HMCN1: variants seen among roughly 807,000 people sequenced by gnomAD.
HMCN1 encodes the protein hemicentin-1.
Under a neutral mutation model 625.9 loss-of-function variants are expected in HMCN1, and 321 were observed. The observed-to-expected ratio is 0.51, with a 90% CI of 0.47 to 0.56. The LOEUF (loss-of-function observed/expected upper bound fraction) is 0.56, where lower values mean the gene tolerates loss of function less well. HMCN1 is among the 20% of genes least tolerant of loss of function. HMCN1 has a pLI of 0.00. For synonymous variants in HMCN1, 2,425 were observed against 2,417.6 expected (o/e 1.00, Z -0.09); for missense variants, 6,588 against 6,887.3 (o/e 0.96, Z 1.54).
At chr1:185,812,419 A>G (rs114877638) in intron 1 of HMCN1, among the ~76,000 whole-genome samples, 1 of 152,140 alleles carries the variant, frequency 6.6e-6, no homozygotes, top group African/African-American at 2.4e-5. Context: ...TAACAAAAAA[A>G]GTGTCATATG....
intron 105 of HMCN1, 117 bp downstream of exon 105, chr1:186,182,404 G>A (rs914612476): frequency 8.8e-5 from 105 of 1,190,164 alleles, no homozygotes; most frequent in South Asian, 2.2e-4. Context: ...ACCCATTCCC[G>A]TGGGTCAGAA....
intron 9 of HMCN1, among the ~76,000 whole-genome samples, chr1:185,925,461 T>G (rs1325824509): frequency 6.6e-6 from 1 of 152,234 alleles, no homozygotes; most frequent in Non-Finnish European, 1.5e-5. Flanking sequence ...GAATGTTTTT[T>G]AATTTGTGGG....
intron 15 of HMCN1, among the ~76,000 whole-genome samples, chr1:185,975,363 C>A (rs1317717481): frequency 2.0e-5 from 3 of 152,080 alleles, no homozygotes; most frequent in Non-Finnish European, 4.4e-5. Flanking sequence ...ATAATCATGG[C>A]AGAAGGCAAA....
At chr1:185,773,387 T>C (rs1433869599) in intron 1 of HMCN1, among the ~76,000 whole-genome samples, 2 of 152,214 alleles carry the variant, frequency 1.3e-5, no homozygotes, top group Admixed American at 1.3e-4. Flanking sequence ...CATTTGGGAA[T>C]GAGCATGGGG....
intron 13 of HMCN1, 111 bp downstream of exon 13, chr1:185,964,006 C>CCTG: frequency 2.2e-6 from 2 of 899,768 alleles, no homozygotes; most frequent in Admixed American, 1.9e-5. Flanking sequence ...TGGTATTATA[C>CCTG]TTTATTATTC....
chr1:186,119,783 G>T lies in HMCN1; in HGVS notation c.11995G>T (p.Val3999Phe). The change falls in exon 79 of 107, where the codon GTC becomes TTC. Residue 3999 changes from valine (V) to phenylalanine (F), a missense_variant. By Grantham distance (50) the Val-to-Phe change is conservative. This residue lies in a region of HMCN1 where 4,628 missense variants were observed against 4,853.1 expected (regional missense o/e 0.95). Coordinates refer to ENST00000271588, the MANE Select transcript of HMCN1 (RefSeq NM_031935.3). ...TCAGCCCCAACCAAGTGAACTACACGTCATTCTGAACAATCCTATTTTATT... is the reference window on the plus strand; with the variant it reads ...TCAGCCCCAACCAAGTGAACTACACTTCATTCTGAACAATCCTATTTTATT... ...VIQPQPSELH[V>F]ILNNPILLPC... 1 of 1,613,932 alleles carries T rather than the reference G, an allele frequency of 6.2e-7. No homozygotes were observed. The highest frequency in any genetic ancestry group is 8.5e-7 in the Non-Finnish European group (1 of 1,179,900).
At position 185,879,876 on chromosome 1, in the gene HMCN1, A is replaced by C. The variant is rs1203979514; in HGVS notation, c.621+14013A>C. Among the ~76,000 whole-genome samples, 10 of 152,204 alleles carry C rather than the reference A, an allele frequency of 6.6e-5. No individual in the cohort carries two copies. In the South Asian group the frequency reaches 1.7e-3, roughly 25 times the overall value. On this transcript the variant is annotated intron_variant, in intron 4 of 106. Transcript: ENST00000271588. ...CCATCTATCTGAATGTGGAATTCAC[A>C]CTGTAGTGACAGTAAGACTTGCTAT...
intron 13 of HMCN1, among the ~76,000 whole-genome samples, chr1:185,964,609 G>C (rs1479224810): frequency 6.6e-6 from 1 of 152,096 alleles, no homozygotes; most frequent in Admixed American, 6.6e-5. Context: ...GTATTGAATT[G>C]AGAGCCTGGA....
intron 42 of HMCN1, among the ~76,000 whole-genome samples, chr1:186,052,538 C>T (rs1657026783): frequency 6.6e-6 from 1 of 152,028 alleles, no homozygotes; most frequent in African/African-American, 2.4e-5. Context: ...CCTTATGTTT[C>T]CAGTTCTGTT....
At chr1:186,069,824 A>T in intron 51 of HMCN1, 48 bp downstream of exon 51, 1 of 1,220,656 alleles carries the variant, frequency 8.2e-7, no homozygotes. Context: ...CAATTTTTCT[A>T]ACTTTTTCAA....
intron 100 of HMCN1, among the ~76,000 whole-genome samples, chr1:186,169,531 C>T (rs1437015982): frequency 6.6e-6 from 1 of 152,042 alleles, no homozygotes; most frequent in Non-Finnish European, 1.5e-5. Context: ...TCAGAAATAA[C>T]ACCACATCTA....
chr1:185,947,549 T>C (rs192507554), intron 11 of HMCN1, among the ~76,000 whole-genome samples: 10 of 152,214 alleles, frequency 6.6e-5, no homozygotes, highest in African/African-American at 2.2e-4. Flanking sequence ...AACTCCACCA[T>C]TTTGAAGAGG....
intron 1 of HMCN1, among the ~76,000 whole-genome samples, chr1:185,771,520 A>G (rs1311214149): frequency 1.8e-4 from 27 of 152,146 alleles, no homozygotes; most frequent in Admixed American, 1.6e-3. Context: ...ACTTTTTGTT[A>G]TACCGCTATT....
intron 4 of HMCN1, among the ~76,000 whole-genome samples, chr1:185,885,078 A>G (rs2102398855): frequency 6.7e-6 from 1 of 149,166 alleles, no homozygotes. Context: ...ACATGCCTTC[A>G]TTTTATGTTT....
intron 36 of HMCN1, among the ~76,000 whole-genome samples, chr1:186,035,164 A>G (rs1571752671): frequency 6.6e-6 from 1 of 152,146 alleles, no homozygotes; most frequent in African/African-American, 2.4e-5. Flanking sequence ...GTCCTTAAAT[A>G]TTGTGTTGAT....
intron 52 of HMCN1, among the ~76,000 whole-genome samples, 164 bp downstream of exon 52, chr1:186,070,921 C>A (rs1384374208): frequency 6.6e-6 from 1 of 151,836 alleles, no homozygotes; most frequent in Non-Finnish European, 1.5e-5. Context: ...AAAACCCAAC[C>A]AACCTGAAGG....
intron 41 of HMCN1, among the ~76,000 whole-genome samples, chr1:186,047,655 G>A (rs1395772172): frequency 1.3e-5 from 2 of 152,016 alleles, no homozygotes; most frequent in Non-Finnish European, 1.5e-5. Flanking sequence ...GCAGGCCTGT[G>A]CATACTGACT....
At position 185,998,749 on chromosome 1, in the gene HMCN1, T is replaced by C. The variant is rs555616649; in HGVS notation, c.3874+1225T>C. On this transcript the variant is annotated intron_variant, in intron 25 of 106. Transcript: ENST00000271588. ...TTACTAGACATCGTTTTCATTATCT[T>C]TTACTATGATTTTCATCTTGCTCAT... 3.3e-5 allele frequency among the ~76,000 whole-genome samples: 5 copies of C among 152,290 alleles called. No homozygotes were observed. In the South Asian group the frequency reaches 1.0e-3, roughly 32 times the overall value.
chr1:186,087,210 C>T lies in HMCN1; in HGVS notation c.9047-7C>T. 1.9e-6 allele frequency: 3 copies of T among 1,573,718 alleles called. No individual in the cohort carries two copies. The highest frequency in any genetic ancestry group is 2.6e-6 in the Non-Finnish European group (3 of 1,143,700). ...CACTCTACAATTTGCATTCTATTTA[C>T]CTACAGGTGGTCGAACTCTACAGAT... On this transcript the variant is annotated splice_region_variant and splice_polypyrimidine_tract_variant and intron_variant, in intron 58 of 106. Coordinates refer to ENST00000271588, the MANE Select transcript of HMCN1 (RefSeq NM_031935.3).
Sources: gnomAD v4.1 joint callset for allele counts (sites outside exome capture counted in the v4.1 genomes callset) on GRCh38, gnomAD v4.1.1 for gene constraint, gnomAD v4.1.1 regional missense constraint, MANE v1.5 for transcripts, NCBI Gene and HGNC (gene_info 2026-07-23, HGNC 2026-07-21) for gene names.